The following PARD3B variants were observed in gnomAD, a reference collection of about 807,000 sequenced individuals.
PARD3B encodes the protein par-3 family cell polarity regulator beta.
In PARD3B, 103 loss-of-function variants were observed where a neutral mutation model predicts 130.2. The ratio of observed to expected loss-of-function variants is 0.79; its 90% CI spans 0.67 to 0.93. The LOEUF (loss-of-function observed/expected upper bound fraction) is 0.93. Among genes scored for constraint, PARD3B ranks in the 40% least tolerant of loss-of-function variants. PARD3B has a pLI of 0.00. For missense variants in PARD3B, 1,609 were observed against 1,499.2 expected (o/e 1.07, Z -1.21); for synonymous variants, 583 against 553.2 (o/e 1.05, Z -0.76).
chr2:204,650,450 A>G (rs192938448), intron 1 of PARD3B, among the ~76,000 whole-genome samples: 3 of 152,292 alleles, frequency 2.0e-5, no homozygotes, highest in African/African-American at 7.2e-5. Flanking sequence ...ATGCATGCAA[A>G]TGTTCATTGC....
intron 2 of PARD3B, among the ~76,000 whole-genome samples, chr2:204,714,816 C>T (rs2038643337): frequency 1.3e-5 from 2 of 152,180 alleles, no homozygotes; most frequent in Non-Finnish European, 2.9e-5. Flanking sequence ...ACTACCTAAT[C>T]ACTTTGCTTG....
At chr2:204,966,407 G>A (rs1389456450) in intron 3 of PARD3B, among the ~76,000 whole-genome samples, 1 of 152,174 alleles carries the variant, frequency 6.6e-6, no homozygotes, top group African/African-American at 2.4e-5. Flanking sequence ...CTTTGTGGCA[G>A]CTTCTCTTCA....
rs533853103 is a variant in PARD3B at position 205,521,003 on chromosome 2, C to T, written c.3180+20972C>T. On this transcript the variant is annotated intron_variant, in intron 21 of 22. Transcript: ENST00000406610. ...CTTTATCATAAATCAATATAAGATA[C>T]TAATTATCTAGTATGAGGCGATGAA... Among the ~76,000 whole-genome samples the T allele has an allele frequency of 2.7e-5, 4 of 150,492 alleles. No homozygotes were observed. In the East Asian group the frequency reaches 5.8e-4, roughly 22 times the overall value.
At chr2:204,571,955 G>GA (rs1449085114) in intron 1 of PARD3B, among the ~76,000 whole-genome samples, 1 of 152,106 alleles carries the variant, frequency 6.6e-6, no homozygotes, top group Non-Finnish European at 1.5e-5. Context: ...AACTGCTACA[G>GA]AAAAAATGGT....
intron 21 of PARD3B, among the ~76,000 whole-genome samples, chr2:205,503,711 A>G (rs1034831362): frequency 2.0e-5 from 3 of 152,146 alleles, no homozygotes; most frequent in African/African-American, 7.2e-5. Flanking sequence ...TTCTGTGAAG[A>G]AAGTCATTGG....
In PARD3B at chr2:205,593,736, T is replaced by A. The variant is rs181013142; in HGVS notation, c.3261-21720T>A. On this transcript the variant is annotated intron_variant, in intron 22 of 22. Coordinates refer to ENST00000406610, the MANE Select transcript of PARD3B (RefSeq NM_001302769.2). ...GGTCCAGTATTACGGTGGCGAGAGG[T>A]GGGGTAGAAATGCCACAGTATGACC... 6.6e-4 allele frequency among the ~76,000 whole-genome samples: 101 copies of A among 151,980 alleles called. 1 individual carries two copies. The highest frequency in any genetic ancestry group is 1.2e-3 in the Non-Finnish European group (81 of 67,968).
intron 1 of PARD3B, among the ~76,000 whole-genome samples, chr2:204,558,624 A>G (rs1276479655): frequency 6.6e-6 from 1 of 152,212 alleles, no homozygotes; most frequent in Non-Finnish European, 1.5e-5. Context: ...TGCCCAAGGT[A>G]ATTTATAGAT....
At chr2:205,220,425 A>C (rs1278640795) in intron 15 of PARD3B, among the ~76,000 whole-genome samples, 1 of 152,106 alleles carries the variant, frequency 6.6e-6, no homozygotes, top group Non-Finnish European at 1.5e-5. Flanking sequence ...AATTTCCTAT[A>C]CATTTCCAGA....
At chr2:205,514,698 G>T (rs2050720310) in intron 21 of PARD3B, among the ~76,000 whole-genome samples, 1 of 151,910 alleles carries the variant, frequency 6.6e-6, no homozygotes, top group African/African-American at 2.4e-5. Flanking sequence ...TAAACATATT[G>T]CAAGAAGTTA....
intron 1 of PARD3B, among the ~76,000 whole-genome samples, chr2:204,605,693 C>T (rs1351951272): frequency 6.6e-6 from 1 of 152,150 alleles, no homozygotes; most frequent in Non-Finnish European, 1.5e-5. Context: ...ACTCTATCTG[C>T]ACCTTGCTTT....
At chr2:205,406,274 G>C (rs1318490482) in intron 19 of PARD3B, among the ~76,000 whole-genome samples, 1 of 152,006 alleles carries the variant, frequency 6.6e-6, no homozygotes, top group South Asian at 2.1e-4. Flanking sequence ...CAAATTATTT[G>C]CTTTAATATT....
In PARD3B at chr2:205,253,299, G is replaced by A; in HGVS notation, c.2185+7477G>A. ...TAAGAGTAAAATGTATTAACACAAA[G>A]GCTCTGGCCGCCCCCCTACAAAGGA... On this transcript the variant is annotated intron_variant, in intron 16 of 22. Transcript: ENST00000406610. This position sits in a 1 kb window ranked among gnomAD's most constrained non-coding sequence, Gnocchi z 4.4. The A allele has an allele frequency of 2.0e-6, 1 of 500,022 alleles. No individual in the cohort carries two copies. The highest frequency in any genetic ancestry group is 3.3e-4 in the Middle Eastern group (1 of 3,074). 31.0% of individuals were successfully genotyped at this position (500,022 alleles called of 1,614,324 possible).
intron 1 of PARD3B, among the ~76,000 whole-genome samples, chr2:204,645,511 A>G (rs996006296): frequency 1.3e-5 from 2 of 152,128 alleles, no homozygotes; most frequent in African/African-American, 4.8e-5. Context: ...TTAATGTGAC[A>G]TATTAGTTAA....
chr2:205,237,086 C>T (rs1397240948), intron 15 of PARD3B, among the ~76,000 whole-genome samples: 1 of 151,718 alleles, frequency 6.6e-6, no homozygotes, highest in East Asian at 1.9e-4. Context: ...TTGCTTAAAC[C>T]CTTTGTTTGT....
chr2:204,810,611 T>C (rs1291957139), intron 2 of PARD3B, among the ~76,000 whole-genome samples: 1 of 152,146 alleles, frequency 6.6e-6, no homozygotes, highest in African/African-American at 2.4e-5. Flanking sequence ...GAATTACATT[T>C]ATTGATTTGT....
At position 204,626,643 on chromosome 2, in the gene PARD3B, A is replaced by T. The variant is rs181127385; in HGVS notation, c.121-59538A>T. 2.4e-3 allele frequency among the ~76,000 whole-genome samples: 358 copies of T among 152,086 alleles called. 2 individuals carry two copies. The highest frequency in any genetic ancestry group is 8.4e-3 in the African/African-American group (347 of 41,492). ...AATTCTAAAAATCTGTAGTAAATGTATTTTTTCCCTCTGTATTTTTGGATT... is the reference window on the plus strand; with the variant it reads ...AATTCTAAAAATCTGTAGTAAATGTTTTTTTTCCCTCTGTATTTTTGGATT... On this transcript the variant is annotated intron_variant, in intron 1 of 22. Coordinates refer to ENST00000406610, the MANE Select transcript of PARD3B (RefSeq NM_001302769.2).
chr2:205,092,298 GA>G, intron 4 of PARD3B, among the ~76,000 whole-genome samples: 1 of 152,264 alleles, frequency 6.6e-6, no homozygotes, highest in African/African-American at 2.4e-5. Context: ...GAGGAAACAG[GA>G]AATTCTTATC....
chr2:204,988,019 G>A (rs1357961079), intron 3 of PARD3B, among the ~76,000 whole-genome samples: 3 of 151,978 alleles, frequency 2.0e-5, no homozygotes, highest in African/African-American at 7.2e-5. Flanking sequence ...AAAAGAGAGA[G>A]AGAGAGAAAC....
intron 2 of PARD3B, among the ~76,000 whole-genome samples, chr2:204,895,805 T>G (rs1413171615): frequency 6.6e-6 from 1 of 152,136 alleles, no homozygotes; most frequent in East Asian, 1.9e-4. Flanking sequence ...AGTATGTGCA[T>G]GAAAGCAAGC....
Sources: gnomAD v4.1 joint callset for allele counts (sites outside exome capture counted in the v4.1 genomes callset) on GRCh38, gnomAD v4.1.1 for gene constraint, Gnocchi (gnomAD v3.1) non-coding constraint, MANE v1.5 for transcripts, NCBI Gene and HGNC (gene_info 2026-07-23, HGNC 2026-07-21) for gene names.